The following TTN variants were observed in gnomAD, a reference collection of about 807,000 sequenced individuals.
TTN encodes the protein titin, also known as connectin.
TTN carries 1,525 observed loss-of-function variants against 3,223.0 expected under a neutral mutation model. The ratio of observed to expected loss-of-function variants is 0.47; its 90% CI spans 0.45 to 0.49. The LOEUF is 0.49. TTN is among the 20% of genes least tolerant of loss of function. The pLI, the probability that TTN is intolerant of heterozygous loss-of-function variation, is 0.00. For missense variants in TTN, 40,786 were observed against 43,424.0 expected, an observed-to-expected ratio of 0.94 and a Z score of 5.40; for synonymous variants, 14,094 against 15,161.0, an observed-to-expected ratio of 0.93 and a Z score of 5.17.
At position 178,608,488 on chromosome 2, in the gene TTN, A is replaced by C; in HGVS notation, c.52406-11T>G. 1 of 1,570,046 alleles carries C rather than the reference A, an allele frequency of 6.4e-7. No individual in the cohort carries two copies. The highest frequency in any genetic ancestry group is 1.4e-5 in the African/African-American group (1 of 72,984). ...GTGCATCAGGTGGTCCTGATAAAAAAATAACATTTGAAGTAAATTTCCCAG... is the reference window on the plus strand; with the variant it reads ...GTGCATCAGGTGGTCCTGATAAAAACATAACATTTGAAGTAAATTTCCCAG... On this transcript the variant is annotated splice_polypyrimidine_tract_variant and intron_variant, in intron 274 of 362. Coordinates refer to ENST00000589042, the MANE Select transcript of TTN (RefSeq NM_001267550.2).
In TTN at chr2:178,730,943, C is replaced by A. The variant is rs748353299; in HGVS notation, c.17722G>T (p.Ala5908Ser). The change falls in exon 60 of 363, where the codon GCT becomes TCT. Residue 5908 changes from alanine to serine, a missense_variant. Transcript: ENST00000589042. The stretch of plus-strand genomic sequence containing the variant: ...TACCAACCTAATACATTAATTCTAG[C>A]CTTGCAGCTGCTCCTCCCAACATCA... ...QNDVGRSSCKARINVLDLIIP... is the reference protein window; with the variant it reads ...QNDVGRSSCKSRINVLDLIIP... 4.4e-6 allele frequency: 7 copies of A among 1,606,070 alleles called. No individual in the cohort carries two copies. Among genetic ancestry groups the A allele is most frequent in the Non-Finnish European group, 5.1e-6 (6 of 1,175,306 alleles).
Position 178,564,506 on chromosome 2 carries a change from T to C in TTN, c.81626A>G (p.Lys27209Arg). The change falls in exon 326 of 363, where the codon AAG becomes AGG. Residue 27209 changes from lysine (K) to arginine (R), a missense_variant. Physicochemically the swap from Lys to Arg is conservative, Grantham distance 26. Coordinates refer to ENST00000589042, the MANE Select transcript of TTN (RefSeq NM_001267550.2). The part of the protein sequence containing the change: ...GSKITGYIVE[K>R]KDLPDGRWMK... ...CCAGCGGCCATCAGGTAGATCTTTC[T>C]TTTCTACAATATAACCTGTTATTTT... 1 of 1,612,418 alleles carries C rather than the reference T, an allele frequency of 6.2e-7. No individual in the cohort carries two copies. The highest frequency in any genetic ancestry group is 8.5e-7 in the Non-Finnish European group (1 of 1,179,140).
chr2:178,690,765 T>C (rs1163290563), intron 121 of TTN, among the ~76,000 whole-genome samples: 1 of 152,168 alleles, frequency 6.6e-6, no homozygotes, highest in Non-Finnish European at 1.5e-5. Context: ...TATATGTATA[T>C]GTTATGCTAT....
chr2:178,793,582 C>T, intron 8 of TTN, 41 bp from the exon 9 acceptor site: 1 of 1,610,312 alleles, frequency 6.2e-7, no homozygotes, highest in Non-Finnish European at 8.5e-7. Context: ...CTTAATGCAT[C>T]TTACATAAAA....
intron 50 of TTN, 65 bp downstream of exon 50, chr2:178,735,446 A>G: frequency 1.4e-6 from 2 of 1,424,774 alleles, no homozygotes; most frequent in Non-Finnish European, 9.3e-7. Flanking sequence ...TTGTTTGCCA[A>G]CAGTTTTTCT....
chr2:178,592,557 T>G lies in TTN; in HGVS notation c.59448A>C (p.Pro19816=). The G allele has an allele frequency of 6.2e-7, 1 of 1,613,528 alleles. No individual in the cohort carries two copies. Among genetic ancestry groups the G allele is most frequent in the Non-Finnish European group, 8.5e-7 (1 of 1,179,596 alleles). ...TGTCTTCTTTTTTCCAAGTTACTTT[T>G]GGGAATGGCACTCCTTTGATGATGG... ...LSAIIKGVPF[P]KVTWKKEDRD... is the part of the protein sequence containing the mutation. Residue 19816 remains proline (P), a synonymous_variant, in exon 301 of 363, where the codon CCA becomes CCC. Transcript: ENST00000589042.
intron 250 of TTN, chr2:178,619,223 A>G: frequency 2.8e-6 from 1 of 356,962 alleles, no homozygotes; most frequent in South Asian, 3.3e-5. Flanking sequence ...TGAGAGGTAC[A>G]CTAATGGCTT....
At chr2:178,677,354 A>ATG in intron 146 of TTN, 67 bp from the exon 147 acceptor site, 1 of 482,586 alleles carries the variant, frequency 2.1e-6, no homozygotes. Context: ...ATATATATAT[A>ATG]TATATATGAA....
chr2:178,617,725 G>T, intron 253 of TTN, 54 bp downstream of exon 253: 1 of 1,577,428 alleles, frequency 6.3e-7, no homozygotes, highest in African/African-American at 1.4e-5. Flanking sequence ...TTAATTGATA[G>T]GCCTAATATC....
chr2:178,795,645 A>C (rs2093729230), intron 6 of TTN, among the ~76,000 whole-genome samples: 1 of 152,148 alleles, frequency 6.6e-6, no homozygotes, highest in Admixed American at 6.6e-5. Flanking sequence ...GGGTTAGAGG[A>C]TGTCAAATAG....
rs2154268754 is a variant in TTN, at chr2:178,677,826, T to C, written c.34086A>G (p.Glu11362=). ...GAACTTCCTCTTCCTCAGGTAGAAC[T>C]TCCTCTTCAGGAACAATTTCTTCTT... ...LFEEEIVPEE[E]VLPEEEEVLP... is the part of the protein sequence containing the mutation. The change falls in exon 146 of 363, where the codon GAA becomes GAG. Residue 11362 remains glutamate, a synonymous_variant. Transcript: ENST00000589042. 1 of 1,612,998 alleles carries C rather than the reference T, an allele frequency of 6.2e-7. No homozygotes were observed. Among genetic ancestry groups the C allele is most frequent in the Non-Finnish European group, 8.5e-7 (1 of 1,179,268 alleles).
In TTN at chr2:178,785,912, A is replaced by G. The variant is rs979110143; in HGVS notation, c.2306T>C (p.Ile769Thr). ...VVPKAVKPRVIQAPSETHIKT... is the reference protein window; with the variant it reads ...VVPKAVKPRVTQAPSETHIKT... ...GATATGAGTCTCAGAAGGAGCCTGG[A>G]TTACTCTAGGCTTGACTGCTTTAGG... The change falls in exon 14 of 363, where the codon ATC (isoleucine) becomes ACC (threonine). Residue 769 changes from isoleucine to threonine, a missense_variant. Ile to Thr is a moderately conservative substitution (Grantham distance 89). Transcript: ENST00000589042. The G allele has an allele frequency of 8.1e-6, 13 of 1,613,984 alleles. No homozygotes were observed. The highest frequency in any genetic ancestry group is 1.1e-5 in the Non-Finnish European group (13 of 1,179,994).
chr2:178,678,066 G>C, intron 145 of TTN, 59 bp downstream of exon 145: 10 of 1,563,500 alleles, frequency 6.4e-6, no homozygotes, highest in Non-Finnish European at 8.7e-6. Flanking sequence ...TAATTAGTAA[G>C]GCTGTATAAC....
Position 178,587,330 on chromosome 2 carries a change from C to T in TTN, c.63881G>A (p.Gly21294Asp). The part of the protein sequence containing the change: ...HVSWAPPEND[G>D]GSQVTHYIVE... The stretch of plus-strand genomic sequence containing the variant: ...GATATAATGTGTCACTTGGCTCCCA[C>T]CGTCGTTTTCAGGAGGGGCCCAGGA... The change falls in exon 307 of 363, where the codon GGT becomes GAT. Residue 21294 changes from glycine (G) to aspartate (D), a missense_variant. By Grantham distance (94) the Gly-to-Asp change is moderately conservative. Coordinates refer to ENST00000589042, the MANE Select transcript of TTN (RefSeq NM_001267550.2). 6.2e-7 allele frequency: 1 copy of T among 1,612,792 alleles called. No homozygotes were observed. Among genetic ancestry groups the T allele is most frequent in the Non-Finnish European group, 8.5e-7 (1 of 1,179,370 alleles).
In TTN at chr2:178,531,815, G is replaced by C; in HGVS notation, c.104800C>G (p.Gln34934Glu). The change falls in exon 358 of 363, where the codon CAG (glutamine) becomes GAG (glutamate). Residue 34934 changes from glutamine to glutamate, a missense_variant. By Grantham distance (29) the Gln-to-Glu change is conservative. Coordinates refer to ENST00000589042, the MANE Select transcript of TTN (RefSeq NM_001267550.2). Reference sequence around the variant, plus strand: ...GGGGCATGGTCCAGTGTGAAAGGCTGCTGACTCAAAACTTCATACTTCCTT... The same window carrying C: ...GGGGCATGGTCCAGTGTGAAAGGCTCCTGACTCAAAACTTCATACTTCCTT... ...SERKYEVLSQ[Q>E]PFTLDHAPRI... 6.2e-7 allele frequency: 1 copy of C among 1,614,008 alleles called. No individual in the cohort carries two copies. Among genetic ancestry groups the C allele is most frequent in the African/African-American group, 1.3e-5 (1 of 75,048 alleles).
At position 178,567,350 on chromosome 2, in the gene TTN, C is replaced by T; in HGVS notation, c.78782G>A (p.Gly26261Asp). 7 of 1,597,844 alleles carry T rather than the reference C, an allele frequency of 4.4e-6. No homozygotes were observed. The highest frequency in any genetic ancestry group is 4.3e-6 in the Non-Finnish European group (5 of 1,174,112). Residue 26261 changes from glycine to aspartate, a missense_variant, in exon 326 of 363, where the codon GGT becomes GAT. Coordinates refer to ENST00000589042, the MANE Select transcript of TTN (RefSeq NM_001267550.2). ...GGAAGCTCTTAAAATATACTGCCCACCATCAATTCTAATTGCATCTTTTAC... is the reference window on the plus strand; with the variant it reads ...GGAAGCTCTTAAAATATACTGCCCATCATCAATTCTAATTGCATCTTTTAC... ...LIVKDAIRIDGGQYILRASNV... is the reference protein window; with the variant it reads ...LIVKDAIRIDDGQYILRASNV...
chr2:178,643,977 T>C (rs774907925), intron 218 of TTN, among the ~76,000 whole-genome samples: 4 of 151,982 alleles, frequency 2.6e-5, no homozygotes, highest in Non-Finnish European at 5.9e-5. Flanking sequence ...AGGGAAAATA[T>C]TGTTTACAGA....
chr2:178,798,162 C>T (rs2093869785), intron 6 of TTN, among the ~76,000 whole-genome samples: 1 of 152,068 alleles, frequency 6.6e-6, no homozygotes, highest in Non-Finnish European at 1.5e-5. Flanking sequence ...AGTAACTTTA[C>T]AGTATGTTTG....
intron 112 of TTN, among the ~76,000 whole-genome samples, chr2:178,698,367 A>C (rs1227981755): frequency 6.6e-6 from 1 of 152,216 alleles, no homozygotes; most frequent in Non-Finnish European, 1.5e-5. Context: ...AATCGCTAAG[A>C]GTAAATTTCA....
Sources: gnomAD v4.1 joint callset for allele counts (sites outside exome capture counted in the v4.1 genomes callset) on GRCh38, gnomAD v4.1.1 for gene constraint, MANE v1.5 for transcripts, NCBI Gene and HGNC (gene_info 2026-07-23, HGNC 2026-07-21) for gene names.